PEMT: variants seen among roughly 807,000 people sequenced by gnomAD.
The protein encoded by PEMT is phosphatidylethanolamine N-methyltransferase.
A neutral mutation model predicts 27.4 loss-of-function variants in PEMT; 23 were observed. The ratio of observed to expected loss-of-function variants is 0.84; its 90% CI spans 0.60 to 1.19. The LOEUF (loss-of-function observed/expected upper bound fraction) is 1.19, where lower values mean the gene tolerates loss of function less well. PEMT is among the 50% of genes most tolerant of loss of function. PEMT has a pLI of 0.00. For missense variants in PEMT, 307 were observed against 310.1 expected (o/e 0.99, Z 0.07); for synonymous variants, 137 against 139.1 (o/e 0.98, Z 0.11).
chr17:17,576,976 G>A lies in PEMT; in HGVS notation c.148C>T (p.Pro50Ser), dbSNP rs368053864. 4.3e-6 allele frequency: 7 copies of A among 1,614,002 alleles called. No homozygotes were observed. The African/African-American group carries it at 9.3e-5, about 22-fold the overall frequency. ...RLLGYVDPLD[P>S]SFVAAVITIT... is the part of the protein sequence containing the mutation. ...GTGATGACGGCAGCCACAAAGCTGG[G>A]ATCCAGGGGGTCCACGTAGCCCAGC... Residue 50 changes from proline to serine, a missense_variant, in exon 2 of 7, where the codon CCC becomes TCC. Physicochemically the swap from Pro to Ser is moderately conservative, Grantham distance 74. Coordinates refer to ENST00000255389, the MANE Select transcript of PEMT (RefSeq NM_148172.3).
intron 2 of PEMT, among the ~76,000 whole-genome samples, chr17:17,571,708 T>TG (rs1367449509): frequency 1.8e-5 from 2 of 111,394 alleles, no homozygotes; most frequent in East Asian, 2.1e-4. Flanking sequence ...TGTTTTGTTT[T>TG]GGGTTTTTTT....
chr17:17,577,220 C>A (rs1022659158), intron 1 of PEMT, among the ~76,000 whole-genome samples, 193 bp from the exon 2 acceptor site: 2 of 152,138 alleles, frequency 1.3e-5, no homozygotes, highest in African/African-American at 4.8e-5. Flanking sequence ...TGTGTCATGT[C>A]CTGGGAGGGC....
At chr17:17,570,357 G>T in intron 2 of PEMT, 1 of 217,920 alleles carries the variant, frequency 4.6e-6, no homozygotes, top group Non-Finnish European at 7.8e-6. Flanking sequence ...TACTCAGAAC[G>T]CCCAGGCAGC....
intron 2 of PEMT, among the ~76,000 whole-genome samples, chr17:17,556,723 C>G (rs1910081256): frequency 6.6e-6 from 1 of 152,154 alleles, no homozygotes; most frequent in Admixed American, 6.5e-5. Context: ...CTGTCTGAAG[C>G]CTCCTCCCTC....
At chr17:17,568,118 C>T (rs573465322) in intron 2 of PEMT, among the ~76,000 whole-genome samples, 1 of 152,300 alleles carries the variant, frequency 6.6e-6, no homozygotes, top group African/African-American at 2.4e-5. Flanking sequence ...CAGGTATGCA[C>T]TTGGGGTCCT....
intron 2 of PEMT, among the ~76,000 whole-genome samples, chr17:17,558,528 C>A (rs942101414): frequency 2.0e-5 from 3 of 149,324 alleles, no homozygotes; most frequent in Non-Finnish European, 4.5e-5. Context: ...AAACAAAAAA[C>A]AAAAAAAATT....
intron 2 of PEMT, among the ~76,000 whole-genome samples, chr17:17,554,869 G>C (rs1252436292): frequency 6.6e-6 from 1 of 152,116 alleles, no homozygotes; most frequent in African/African-American, 2.4e-5. Flanking sequence ...ACCCACCTCG[G>C]CCTCCCAAAG....
chr17:17,566,638 G>A (rs567921163), intron 2 of PEMT, among the ~76,000 whole-genome samples: 15 of 152,348 alleles, frequency 9.8e-5, no homozygotes, highest in Non-Finnish European at 1.5e-4. Context: ...AGGTGAAGGC[G>A]GGAAAGCTGG....
Position 17,589,272 on chromosome 17 carries a change from ATT to A in PEMT, c.96+2257_96+2258del, listed in dbSNP as rs573309051. On this transcript the variant is annotated intron_variant, in intron 1 of 6. Coordinates refer to ENST00000255389, the MANE Select transcript of PEMT (RefSeq NM_148172.3). Reference sequence around the variant, plus strand: ...CCACCGTGCCCAGCCCCAACAGCTGATTTTTTTTTTTTTTTTTTTAAAAACAA... The same window carrying A: ...CCACCGTGCCCAGCCCCAACAGCTGATTTTTTTTTTTTTTTTTAAAAACAA... Among the ~76,000 whole-genome samples the A allele has an allele frequency of 3.8e-3, 533 of 138,504 alleles. 1 individual carries two copies. Among genetic ancestry groups the A allele is most frequent in the African/African-American group, 0.012 (466 of 37,476 alleles). The allele number at this position is 138,504 out of a possible 152,430, so 90.9% of individuals were successfully genotyped here. A position where few individuals can be genotyped will look rare whatever the true frequency, so the allele number is the denominator to read the frequency against.
At chr17:17,586,197 GGAAAGAAAGAAAGAAAGAAAAA>G (rs1912242283) in intron 1 of PEMT, among the ~76,000 whole-genome samples, 6 of 106,990 alleles carry the variant, frequency 5.6e-5, no homozygotes, top group Non-Finnish European at 7.7e-5. Context: ...AAAGAAGGAA[GGAAAGAAAGAAAGAAAGAAAAA>G]GAAAGAAAGA....
intron 2 of PEMT, among the ~76,000 whole-genome samples, chr17:17,552,155 T>C (rs57417963): frequency 0.06 from 9,110 of 151,990 alleles, 381 homozygotes; most frequent in East Asian, 0.14. Context: ...CTACAAAAAA[T>C]ACAAAAATTA....
chr17:17,521,725 C>G (rs1907277772), intron 3 of PEMT, among the ~76,000 whole-genome samples: 1 of 152,128 alleles, frequency 6.6e-6, no homozygotes, highest in Admixed American at 6.5e-5. Flanking sequence ...CACCACCATG[C>G]CCGGCTAATT....
chr17:17,576,394 C>T (rs1475236061), intron 2 of PEMT, among the ~76,000 whole-genome samples: 2 of 152,244 alleles, frequency 1.3e-5, no homozygotes, highest in Non-Finnish European at 2.9e-5. Context: ...TCAACTCATG[C>T]CGGCTTGCTC....
At chr17:17,578,745 CAAG>C (rs1466933657) in intron 1 of PEMT, 2 of 151,700 alleles carry the variant, frequency 1.3e-5, no homozygotes, top group Non-Finnish European at 2.9e-5. Flanking sequence ...TTTTTGGACA[CAAG>C]GAGGGGAACA....
chr17:17,573,526 A>T (rs774152346), intron 2 of PEMT, among the ~76,000 whole-genome samples: 1 of 152,148 alleles, frequency 6.6e-6, no homozygotes, highest in Non-Finnish European at 1.5e-5. Context: ...ATAACATAAA[A>T]AATAATACAG....
chr17:17,577,088 G>A, intron 1 of PEMT, 61 bp from the exon 2 acceptor site: 4 of 1,309,690 alleles, frequency 3.1e-6, no homozygotes, highest in Non-Finnish European at 3.3e-6. Flanking sequence ...GAGCCCCCAG[G>A]AGTCGGAGAA....
In PEMT at chr17:17,523,693, G is replaced by A. The variant is rs963782373; in HGVS notation, c.205-1298C>T. On this transcript the variant is annotated intron_variant, in intron 2 of 6. Transcript: ENST00000255389. The surrounding 1 kb of genome is among the most constrained non-coding windows in gnomAD (Gnocchi z 4.8). ...AGGCGGAAGGAATAAGCGCTGCAGGGGTGAGGAGGGGGCTGCGGTGACCTT... is the reference window on the plus strand; with the variant it reads ...AGGCGGAAGGAATAAGCGCTGCAGGAGTGAGGAGGGGGCTGCGGTGACCTT... 6.6e-6 allele frequency among the ~76,000 whole-genome samples: 1 copy of A among 152,160 alleles called. No individual in the cohort carries two copies. Among genetic ancestry groups the A allele is most frequent in the Non-Finnish European group, 1.5e-5 (1 of 68,028 alleles).
rs1910439700 is a variant in PEMT at position 17,561,070 on chromosome 17, A to G, written c.204+15850T>C. 6.6e-6 allele frequency among the ~76,000 whole-genome samples: 1 copy of G among 151,718 alleles called. No homozygotes were observed. The highest frequency in any genetic ancestry group is 2.1e-4 in the South Asian group (1 of 4,806). ...CCCTTCCTCCAGACCCCACACTCAA[A>G]TCCTATTTGCCTCAGGTTCCAGGGA... On this transcript the variant is annotated intron_variant, in intron 2 of 6. Transcript: ENST00000255389. This position sits in a 1 kb window ranked among gnomAD's most constrained non-coding sequence, Gnocchi z 4.5.
chr17:17,539,893 G>T (rs1908760000), intron 2 of PEMT, among the ~76,000 whole-genome samples: 1 of 152,226 alleles, frequency 6.6e-6, no homozygotes, highest in African/African-American at 2.4e-5. Flanking sequence ...GGCAGGAGGG[G>T]TCCTGGGAGG....
Sources: allele counts gnomAD v4.1 joint callset (sites outside exome capture counted in the v4.1 genomes callset), GRCh38; gene constraint gnomAD v4.1.1; non-coding constraint Gnocchi (gnomAD v3.1); transcripts MANE v1.5; gene names NCBI Gene and HGNC (gene_info 2026-07-23, HGNC 2026-07-21).